Variants in MYO1D observed in about 807,000 individuals in gnomAD.
The protein encoded by MYO1D is myosin ID.
In MYO1D, 83 loss-of-function variants were observed where a neutral mutation model predicts 122.0. The observed-to-expected ratio is 0.68, with a 90% CI of 0.57 to 0.82. The LOEUF is 0.82. Ranked by LOEUF, MYO1D falls within the 40% of genes least tolerant of loss-of-function variation. MYO1D has a pLI of 0.00. For missense variants in MYO1D, 1,157 were observed against 1,269.5 expected (o/e 0.91, Z 1.35); for synonymous variants, 464 against 446.9 (o/e 1.04, Z -0.48).
intron 6 of MYO1D, among the ~76,000 whole-genome samples, chr17:32,769,380 T>C (rs1471955722): frequency 6.6e-6 from 1 of 152,180 alleles, no homozygotes; most frequent in Non-Finnish European, 1.5e-5. Context: ...GTTAAGGCAA[T>C]GAACTAACTA....
intron 21 of MYO1D, among the ~76,000 whole-genome samples, chr17:32,509,325 C>T (rs367961535): frequency 6.6e-6 from 1 of 152,188 alleles, no homozygotes; most frequent in Non-Finnish European, 1.5e-5. Context: ...TTTGTAAACC[C>T]AAACATCCCT....
chr17:32,831,160 A>G (rs2090768182), intron 1 of MYO1D, among the ~76,000 whole-genome samples: 2 of 152,254 alleles, frequency 1.3e-5, no homozygotes, highest in African/African-American at 4.8e-5. Context: ...GACTTAAGAA[A>G]GTAGAAGTCA....
At chr17:32,741,482 C>A (rs2089772010) in intron 13 of MYO1D, among the ~76,000 whole-genome samples, 1 of 151,870 alleles carries the variant, frequency 6.6e-6, no homozygotes, top group African/African-American at 2.4e-5. Context: ...CAATCTTTCA[C>A]CCCTTTGGCA....
rs1056189727 is a variant in MYO1D, at chr17:32,654,553, G to A, written c.2414C>T (p.Ala805Val). The change falls in exon 18 of 22, where the codon GCA becomes GTA. Residue 805 changes from alanine (A) to valine (V), a missense_variant. Transcript: ENST00000318217. ...SDLPQVRAKV[A>V]AVEMLKGQRA... ...TTGACCCTTCAACATTTCCACGGCT[G>A]CAACCTTTGCCCTGACCTGGGGCAG... The A allele has an allele frequency of 6.2e-7, 1 of 1,613,990 alleles. No homozygotes were observed. The highest frequency in any genetic ancestry group is 8.5e-7 in the Non-Finnish European group (1 of 1,179,990).
At chr17:32,739,651 T>C (rs562546327) in intron 13 of MYO1D, among the ~76,000 whole-genome samples, 2 of 152,076 alleles carry the variant, frequency 1.3e-5, no homozygotes, top group South Asian at 2.1e-4. Flanking sequence ...TAAAAAAAAA[T>C]TGGGGGTTGA....
At chr17:32,686,027 C>G (rs1171931152) in intron 16 of MYO1D, among the ~76,000 whole-genome samples, 1 of 152,098 alleles carries the variant, frequency 6.6e-6, no homozygotes, top group Non-Finnish European at 1.5e-5. Context: ...GAACAATGGT[C>G]CTTAAAAATT....
chr17:32,739,620 AC>A (rs1460123668), intron 13 of MYO1D, among the ~76,000 whole-genome samples: 1 of 151,488 alleles, frequency 6.6e-6, no homozygotes, highest in Non-Finnish European at 1.5e-5. Context: ...GTGCACATGT[AC>A]CCTAGAACTA....
intron 21 of MYO1D, among the ~76,000 whole-genome samples, chr17:32,557,739 A>G (rs1031207776): frequency 1.4e-4 from 21 of 152,108 alleles, no homozygotes; most frequent in Non-Finnish European, 1.5e-4. Flanking sequence ...GATGGTAAAT[A>G]TTTCAGCTTT....
rs146510480 is a variant in MYO1D, at chr17:32,668,262, T to G, written c.2122-8924A>C. On this transcript the variant is annotated intron_variant, in intron 16 of 21. Transcript: ENST00000318217. ...AGATCCAAAGTGGTGTCTGGCAATA[T>G]TTCAGCTTTTTCAGGAGACTCCTAC... is the stretch of plus-strand genomic sequence containing the variant. Among the ~76,000 whole-genome samples, 381 of 152,294 alleles carry G rather than the reference T, an allele frequency of 2.5e-3. 2 individuals carry two copies. Among genetic ancestry groups the G allele is most frequent in the African/African-American group, 9.0e-3 (372 of 41,552 alleles).
intron 6 of MYO1D, among the ~76,000 whole-genome samples, 200 bp from the exon 7 acceptor site, chr17:32,767,952 G>T (rs1272502424): frequency 1.3e-5 from 2 of 152,320 alleles, no homozygotes; most frequent in East Asian, 3.9e-4. Flanking sequence ...GTGCGTGAAA[G>T]CCATCACCTA....
At chr17:32,694,707 CAAAAAAAAAAA>C (rs58606294) in intron 16 of MYO1D, among the ~76,000 whole-genome samples, 3 of 55,920 alleles carry the variant, frequency 5.4e-5, no homozygotes, top group South Asian at 1.2e-3. Flanking sequence ...GACTCCGTCT[CAAAAAAAAAAA>C]AAAAAAAAAA....
At chr17:32,788,039 T>C (rs1315287264) in intron 1 of MYO1D, among the ~76,000 whole-genome samples, 1 of 152,160 alleles carries the variant, frequency 6.6e-6, no homozygotes, top group African/African-American at 2.4e-5. Context: ...CAATTGCAAA[T>C]TGTACTGCTA....
chr17:32,730,497 CTCCT>C (rs2089625537), intron 14 of MYO1D, among the ~76,000 whole-genome samples: 1 of 152,156 alleles, frequency 6.6e-6, no homozygotes, highest in Non-Finnish European at 1.5e-5. Flanking sequence ...CTTTTAGAAT[CTCCT>C]TAAGTGAGGT....
chr17:32,568,516 C>T (rs560748062), intron 21 of MYO1D, among the ~76,000 whole-genome samples: 1 of 152,210 alleles, frequency 6.6e-6, no homozygotes, highest in African/African-American at 2.4e-5. Context: ...TATAACCTAT[C>T]AACCCCCTTT....
intron 21 of MYO1D, among the ~76,000 whole-genome samples, chr17:32,604,610 T>C (rs962605002): frequency 1.3e-5 from 2 of 152,200 alleles, no homozygotes; most frequent in South Asian, 2.1e-4. Flanking sequence ...GATTATGCCA[T>C]GTTCCATCAT....
intron 16 of MYO1D, among the ~76,000 whole-genome samples, chr17:32,706,666 C>T (rs1460215963): frequency 1.3e-5 from 2 of 152,032 alleles, no homozygotes; most frequent in African/African-American, 4.8e-5. Flanking sequence ...TCGCCTGGGA[C>T]AAAATCATGT....
intron 21 of MYO1D, among the ~76,000 whole-genome samples, chr17:32,516,611 A>G (rs1212263974): frequency 6.6e-6 from 1 of 152,234 alleles, no homozygotes; most frequent in Admixed American, 6.5e-5. Context: ...TTAAATGTGA[A>G]GTGTCTCCAC....
chr17:32,663,027 C>T (rs1447461840), intron 16 of MYO1D, among the ~76,000 whole-genome samples: 1 of 151,684 alleles, frequency 6.6e-6, no homozygotes, highest in Non-Finnish European at 1.5e-5. Flanking sequence ...ACGCCATTCT[C>T]CTGCCTCAGC....
At chr17:32,733,072 T>C (rs932571256) in intron 14 of MYO1D, among the ~76,000 whole-genome samples, 1 of 152,198 alleles carries the variant, frequency 6.6e-6, no homozygotes, top group Non-Finnish European at 1.5e-5. Context: ...GGCTGGACCT[T>C]ATGCTCGCTC....
Sources: gnomAD v4.1 joint callset for allele counts (sites outside exome capture counted in the v4.1 genomes callset) on GRCh38, gnomAD v4.1.1 for gene constraint, MANE v1.5 for transcripts, NCBI Gene and HGNC (gene_info 2026-07-23, HGNC 2026-07-21) for gene names.